The following HBS1L variants were observed in gnomAD, a reference collection of about 807,000 sequenced individuals.
HBS1L encodes the protein HBS1-like protein.
Under a neutral mutation model 88.9 loss-of-function variants are expected in HBS1L, and 55 were observed. The ratio of observed to expected loss-of-function variants is 0.62; its 90% CI spans 0.50 to 0.77. The LOEUF (loss-of-function observed/expected upper bound fraction) is 0.77. Among genes scored for constraint, HBS1L ranks in the 30% least tolerant of loss-of-function variants. The pLI is 0.00. For missense variants in HBS1L, 741 were observed against 829.3 expected (o/e 0.89, Z 1.31); for synonymous variants, 267 against 288.5 (o/e 0.93, Z 0.76).
chr6:135,021,326 AAAC>A (rs1339391753), intron 4 of HBS1L, among the ~76,000 whole-genome samples: 1 of 152,100 alleles, frequency 6.6e-6, no homozygotes. Flanking sequence ...GGTTCTCAAT[AAAC>A]AATATTATTT....
chr6:134,963,098 TAC>T lies in HBS1L; in HGVS notation c.*2179_*2180del, dbSNP rs761020210. The T allele has an allele frequency of 6.6e-6, 1 of 152,190 alleles. No homozygotes were observed. 9.4% of individuals were successfully genotyped at this position (152,190 alleles called of 1,614,324 possible). Reference sequence around the variant, plus strand: ...AATTCGATCACAGTCTTATATAATATACAGAGTGGATGGTTTCTTGTTTTTAC... The same window carrying T: ...AATTCGATCACAGTCTTATATAATATAGAGTGGATGGTTTCTTGTTTTTAC... On this transcript the variant is annotated 3_prime_UTR_variant, in exon 18 of 18. Transcript: ENST00000367837.
intron 4 of HBS1L, chr6:135,037,369 T>C: frequency 6.4e-7 from 1 of 1,551,432 alleles, no homozygotes; most frequent in Non-Finnish European, 8.7e-7. Flanking sequence ...CAAATTATCA[T>C]TTTTAAAAGT....
intron 5 of HBS1L, among the ~76,000 whole-genome samples, chr6:134,999,909 GA>G (rs1047884459): frequency 6.6e-6 from 1 of 152,074 alleles, no homozygotes; most frequent in African/African-American, 2.4e-5. Flanking sequence ...TTTAAGATTT[GA>G]AAAATATCTA....
chr6:135,036,805 G>A lies in HBS1L; in HGVS notation c.430+2768C>T, dbSNP rs1394302692. 3.9e-6 allele frequency: 6 copies of A among 1,551,816 alleles called. No individual in the cohort carries two copies. In the African/African-American group the frequency reaches 6.8e-5, roughly 18 times the overall value. On this transcript the variant is annotated intron_variant, in intron 4 of 17. Coordinates refer to ENST00000367837, the MANE Select transcript of HBS1L (RefSeq NM_006620.4). ...TCTAGCAGCAAGGGCCTTGGTCCAA[G>A]AGAGAGAAAAAGGTGGTTTCCTAGT...
At chr6:135,028,058 G>A (rs542721809) in intron 4 of HBS1L, among the ~76,000 whole-genome samples, 48 of 152,040 alleles carry the variant, frequency 3.2e-4, no homozygotes, top group Non-Finnish European at 6.3e-4. Context: ...GAGCCACCGC[G>A]CCTGGCCATA....
At chr6:134,978,230 T>C (rs9376076) in intron 15 of HBS1L, among the ~76,000 whole-genome samples, 17,600 of 152,066 alleles carry the variant, frequency 0.12, 1,439 homozygotes, top group East Asian at 0.27. Flanking sequence ...TTATTTTCCA[T>C]ATTTTTAAGT....
chr6:135,053,856 C>G (rs1315727201), intron 1 of HBS1L, among the ~76,000 whole-genome samples: 1 of 152,190 alleles, frequency 6.6e-6, no homozygotes, highest in South Asian at 2.1e-4. Flanking sequence ...GGGATGTGCT[C>G]CTCCTAAAAA....
At chr6:134,969,107 T>C in intron 16 of HBS1L, 131 bp downstream of exon 16, 1 of 644,862 alleles carries the variant, frequency 1.6e-6, no homozygotes, top group Admixed American at 2.7e-5. Context: ...ATCTAGCCCT[T>C]GAAAAAATAA....
At chr6:134,992,691 G>A (rs992358563) in intron 8 of HBS1L, among the ~76,000 whole-genome samples, 1 of 152,068 alleles carries the variant, frequency 6.6e-6, no homozygotes, top group Non-Finnish European at 1.5e-5. Flanking sequence ...CAACGTTTGT[G>A]CTTTAAGCTA....
chr6:135,025,789 A>G lies in HBS1L; in HGVS notation c.430+13784T>C, dbSNP rs75971211. Among the ~76,000 whole-genome samples the G allele has an allele frequency of 7.6e-3, 1,158 of 152,332 alleles. 10 individuals are homozygous for G. The highest frequency in any genetic ancestry group is 0.027 in the African/African-American group (1,112 of 41,566). On this transcript the variant is annotated intron_variant, in intron 4 of 17. Coordinates refer to ENST00000367837, the MANE Select transcript of HBS1L (RefSeq NM_006620.4). ...AAGACAGGGTTTTTGAAGTTTTATGATATCAAATATAGCAAAGAAAATACA... is the reference window on the plus strand; with the variant it reads ...AAGACAGGGTTTTTGAAGTTTTATGGTATCAAATATAGCAAAGAAAATACA...
intron 4 of HBS1L, chr6:135,036,000 A>C (rs1190661975): frequency 1.5e-6 from 1 of 670,144 alleles, no homozygotes; most frequent in East Asian, 1.4e-4. Flanking sequence ...TTATTATCAA[A>C]AATGTATTTC....
intron 1 of HBS1L, among the ~76,000 whole-genome samples, chr6:135,053,738 C>A (rs1045728766): frequency 6.6e-6 from 1 of 152,202 alleles, no homozygotes; most frequent in Non-Finnish European, 1.5e-5. Flanking sequence ...ATGTTCTGCA[C>A]TTCGTAAAGC....
chr6:135,044,966 T>C (rs937844137), intron 2 of HBS1L, among the ~76,000 whole-genome samples: 4 of 152,058 alleles, frequency 2.6e-5, no homozygotes, highest in Non-Finnish European at 4.4e-5. Context: ...AGGGTGGTCC[T>C]ATACGACCAC....
intron 4 of HBS1L, among the ~76,000 whole-genome samples, chr6:135,005,978 A>G (rs1775599933): frequency 6.6e-6 from 1 of 152,200 alleles, no homozygotes; most frequent in Non-Finnish European, 1.5e-5. Flanking sequence ...AAAAAATTAG[A>G]GGAATTGTTG....
chr6:134,989,443 T>C (rs570069434), intron 8 of HBS1L, among the ~76,000 whole-genome samples: 1 of 152,158 alleles, frequency 6.6e-6, no homozygotes, highest in South Asian at 2.1e-4. Context: ...ATCATTAAGT[T>C]CTCCTGCTTT....
chr6:135,053,742 G>A (rs906750747), intron 1 of HBS1L, among the ~76,000 whole-genome samples: 1 of 152,174 alleles, frequency 6.6e-6, no homozygotes, highest in Non-Finnish European at 1.5e-5. Context: ...TCTGCACTTC[G>A]TAAAGCATAG....
intron 2 of HBS1L, among the ~76,000 whole-genome samples, chr6:135,045,924 T>G (rs1489197270): frequency 6.6e-6 from 1 of 152,206 alleles, no homozygotes; most frequent in Non-Finnish European, 1.5e-5. Flanking sequence ...CCCTTTATTC[T>G]GGCCCACCTA....
At chr6:135,031,795 A>G (rs537610580) in intron 4 of HBS1L, among the ~76,000 whole-genome samples, 83 of 151,916 alleles carry the variant, frequency 5.5e-4, no homozygotes, top group African/African-American at 1.9e-3. Flanking sequence ...TAGGCATGTC[A>G]ATGTCGGAAA....
chr6:134,975,003 T>TA (rs1278673634), intron 15 of HBS1L, among the ~76,000 whole-genome samples: 1 of 152,132 alleles, frequency 6.6e-6, no homozygotes, highest in Non-Finnish European at 1.5e-5. Flanking sequence ...ATTACATACC[T>TA]AAAAAATCCT....
Sources: allele counts gnomAD v4.1 joint callset (sites outside exome capture counted in the v4.1 genomes callset), GRCh38; gene constraint gnomAD v4.1.1; transcripts MANE v1.5; gene names NCBI Gene and HGNC (gene_info 2026-07-23, HGNC 2026-07-21).